ENTREP2: variants seen among roughly 807,000 people sequenced by gnomAD.
The protein encoded by ENTREP2 is protein ENTREP2.
the ENTREP2 span, among the ~76,000 whole-genome samples, chr15:29,306,359 C>T: frequency 8.5e-5 from 13 of 152,150 alleles, no homozygotes; most frequent in Admixed American, 4.6e-4. Context: ...GGGTGCAAGG[C>T]GGTGCACCTG....
the ENTREP2 span, among the ~76,000 whole-genome samples, chr15:29,342,695 A>G: frequency 3.9e-5 from 6 of 152,110 alleles, no homozygotes; most frequent in Non-Finnish European, 8.8e-5. Context: ...GTGACATACA[A>G]TATCTTACTG....
At chr15:29,137,351 G>A in the ENTREP2 span, among the ~76,000 whole-genome samples, 27 of 152,242 alleles carry the variant, frequency 1.8e-4, no homozygotes, top group South Asian at 4.1e-4. Context: ...AAATGAAGGC[G>A]CCAGGAGGAA....
At chr15:29,565,406 A>G in the ENTREP2 span, among the ~76,000 whole-genome samples, 8 of 152,068 alleles carry the variant, frequency 5.3e-5, no homozygotes, top group African/African-American at 1.7e-4. Flanking sequence ...AAAAAAAAAA[A>G]GCAGTGGCAT....
chr15:29,360,018 A>G, the ENTREP2 span, among the ~76,000 whole-genome samples: 1 of 152,232 alleles, frequency 6.6e-6, no homozygotes, highest in African/African-American at 2.4e-5. Context: ...ATAGCCTATA[A>G]GGTAGAATTT....
the ENTREP2 span, among the ~76,000 whole-genome samples, chr15:29,568,346 C>T: frequency 6.6e-6 from 1 of 152,062 alleles, no homozygotes; most frequent in African/African-American, 2.4e-5. Flanking sequence ...AGAGTAATGT[C>T]CATACATAGG....
chr15:29,578,728 A>G, the ENTREP2 span, among the ~76,000 whole-genome samples: 1 of 152,238 alleles, frequency 6.6e-6, no homozygotes, highest in African/African-American at 2.4e-5. Context: ...TCACGTTTGC[A>G]GTATCCTAAT....
chr15:29,157,495 CAG>C, the ENTREP2 span, among the ~76,000 whole-genome samples: 1 of 152,160 alleles, frequency 6.6e-6, no homozygotes, highest in African/African-American at 2.4e-5. Context: ...AGAAAACTGA[CAG>C]ATTTATCCAT....
chr15:29,277,584 C>T, the ENTREP2 span, among the ~76,000 whole-genome samples: 5 of 152,110 alleles, frequency 3.3e-5, no homozygotes, highest in African/African-American at 1.2e-4. Flanking sequence ...AATGCTGCCG[C>T]TTATCTGACA....
chr15:29,212,200 C>G, the ENTREP2 span, among the ~76,000 whole-genome samples: 1 of 152,114 alleles, frequency 6.6e-6, no homozygotes, highest in Non-Finnish European at 1.5e-5. Context: ...CTGCCTTACG[C>G]TAGGAGGGTT....
chr15:29,329,684 T>C, the ENTREP2 span, among the ~76,000 whole-genome samples: 1 of 152,196 alleles, frequency 6.6e-6, no homozygotes, highest in Non-Finnish European at 1.5e-5. Flanking sequence ...CAGGAACCTC[T>C]TGTGGTGCCA....
the ENTREP2 span, among the ~76,000 whole-genome samples, chr15:29,540,473 C>T: frequency 6.6e-6 from 1 of 152,194 alleles, no homozygotes; most frequent in Non-Finnish European, 1.5e-5. Context: ...TGTTTTCGCC[C>T]ACCAGGGCTC....
At chr15:29,605,218 G>T in the ENTREP2 span, among the ~76,000 whole-genome samples, 1 of 152,138 alleles carries the variant, frequency 6.6e-6, no homozygotes, top group Non-Finnish European at 1.5e-5. Context: ...AGATTGTCAG[G>T]CTCTTTGAGA....
chr15:29,408,685 TTTG>T, the ENTREP2 span, among the ~76,000 whole-genome samples: 3 of 152,226 alleles, frequency 2.0e-5, no homozygotes, highest in Non-Finnish European at 2.9e-5. Context: ...CTGGTCTTTT[TTTG>T]TTGTTGTTCA....
chr15:29,284,584 A>C, the ENTREP2 span, among the ~76,000 whole-genome samples: 1 of 151,872 alleles, frequency 6.6e-6, no homozygotes, highest in East Asian at 1.9e-4. Flanking sequence ...CCAAAAATAA[A>C]TAACCAGTCT....
the ENTREP2 span, among the ~76,000 whole-genome samples, chr15:29,485,578 G>A: frequency 6.6e-6 from 1 of 152,190 alleles, no homozygotes; most frequent in Non-Finnish European, 1.5e-5. Context: ...ACACGGTAGA[G>A]TGCCAAAACC....
the ENTREP2 span, among the ~76,000 whole-genome samples, chr15:29,186,146 C>T: frequency 1.3e-5 from 2 of 152,184 alleles, no homozygotes; most frequent in African/African-American, 4.8e-5. Flanking sequence ...AATATCTATG[C>T]TGGACCATCT....
the ENTREP2 span, among the ~76,000 whole-genome samples, chr15:29,463,241 G>T: frequency 6.6e-6 from 1 of 152,138 alleles, no homozygotes; most frequent in African/African-American, 2.4e-5. Flanking sequence ...TGGAAAGAAG[G>T]CTTGGCCCAG....
At chr15:29,250,175 A>T in the ENTREP2 span, among the ~76,000 whole-genome samples, 1 of 152,186 alleles carries the variant, frequency 6.6e-6, no homozygotes, top group South Asian at 2.1e-4. Context: ...GTCCTAAGTC[A>T]CATAACCAGG....
the ENTREP2 span, among the ~76,000 whole-genome samples, chr15:29,650,549 C>T: frequency 4.0e-5 from 6 of 151,880 alleles, no homozygotes; most frequent in South Asian, 6.3e-4. Flanking sequence ...GCCAAGATCA[C>T]GCCATTGCAG....
Sources: gnomAD v4.1 joint callset for allele counts (sites outside exome capture counted in the v4.1 genomes callset) on GRCh38, gnomAD v4.1.1 for gene constraint, MANE v1.5 for transcripts, NCBI Gene and HGNC (gene_info 2026-07-23, HGNC 2026-07-21) for gene names.